The following GPC6 variants were observed in gnomAD, a reference collection of about 807,000 sequenced individuals.
The protein encoded by GPC6 is glypican 6.
Under a neutral mutation model 55.2 loss-of-function variants are expected in GPC6, and 14 were observed. That is an observed-to-expected ratio of 0.25 (90% CI 0.17 to 0.40). The LOEUF is 0.40. Ranked by LOEUF, GPC6 falls within the 10% of genes least tolerant of loss-of-function variation. The pLI, the probability that GPC6 is intolerant of heterozygous loss-of-function variation, is 1.00. For synonymous variants in GPC6, 278 were observed against 259.6 expected (o/e 1.07, Z -0.68); for missense variants, 641 against 708.5 (o/e 0.90, Z 1.08).
intron 1 of GPC6, among the ~76,000 whole-genome samples, chr13:93,347,526 A>G (rs1418776236): frequency 1.3e-5 from 2 of 152,086 alleles, no homozygotes; most frequent in Non-Finnish European, 2.9e-5. Flanking sequence ...AGGGCATGAG[A>G]AGCAATCTCC....
intron 2 of GPC6, among the ~76,000 whole-genome samples, chr13:93,788,632 G>A (rs914431069): frequency 7.9e-5 from 12 of 151,958 alleles, no homozygotes; most frequent in Admixed American, 7.9e-4. Context: ...CCTCCCAAGT[G>A]CATTGATTTC....
intron 6 of GPC6, among the ~76,000 whole-genome samples, chr13:94,308,739 C>A (rs1876084861): frequency 6.6e-6 from 1 of 152,190 alleles, no homozygotes; most frequent in Non-Finnish European, 1.5e-5. Flanking sequence ...CACAGCCAGC[C>A]ATAAGCCCAC....
At chr13:93,415,000 C>T (rs1370360477) in intron 1 of GPC6, among the ~76,000 whole-genome samples, 1 of 152,110 alleles carries the variant, frequency 6.6e-6, no homozygotes, top group African/African-American at 2.4e-5. Flanking sequence ...TTGTGATAAA[C>T]AAACACAGTT....
intron 2 of GPC6, among the ~76,000 whole-genome samples, chr13:93,681,388 GAT>G (rs796368183): frequency 6.6e-6 from 1 of 152,220 alleles, no homozygotes; most frequent in South Asian, 2.1e-4. Context: ...ATTTACTGCT[GAT>G]ATGCAATTTA....
chr13:94,190,617 G>A (rs997161448), intron 4 of GPC6, among the ~76,000 whole-genome samples: 27 of 152,158 alleles, frequency 1.8e-4, no homozygotes, highest in African/African-American at 6.3e-4. Flanking sequence ...AGTTGACAAA[G>A]TTGGAATTCA....
chr13:94,100,547 C>T (rs1885819512), intron 4 of GPC6, among the ~76,000 whole-genome samples: 2 of 152,156 alleles, frequency 1.3e-5, no homozygotes, highest in African/African-American at 4.8e-5. Flanking sequence ...AGTCCTAGAA[C>T]CTTGCAGAGC....
chr13:94,141,858 ACT>A (rs545162728), intron 4 of GPC6, among the ~76,000 whole-genome samples: 124 of 151,778 alleles, frequency 8.2e-4, no homozygotes, highest in Middle Eastern at 3.2e-3. Context: ...AGAACCAAAC[ACT>A]CTTTCTAGCA....
intron 1 of GPC6, among the ~76,000 whole-genome samples, chr13:93,335,197 G>T (rs1418391874): frequency 6.6e-6 from 1 of 152,168 alleles, no homozygotes; most frequent in Non-Finnish European, 1.5e-5. Context: ...TTTCTGAAAT[G>T]TGTGTTGTAT....
At chr13:93,639,143 G>C (rs1879811184) in intron 2 of GPC6, among the ~76,000 whole-genome samples, 9 of 152,090 alleles carry the variant, frequency 5.9e-5, no homozygotes, top group Admixed American at 5.9e-4. Context: ...ATAAAGCAAG[G>C]AGGGGTAAAA....
intron 2 of GPC6, among the ~76,000 whole-genome samples, chr13:93,563,402 C>G (rs1360782252): frequency 3.3e-5 from 5 of 151,992 alleles, no homozygotes; most frequent in Non-Finnish European, 7.4e-5. Context: ...ATCCAGAGTT[C>G]CAGCACTGGA....
At chr13:93,598,728 A>G (rs933125297) in intron 2 of GPC6, among the ~76,000 whole-genome samples, 4 of 152,202 alleles carry the variant, frequency 2.6e-5, no homozygotes, top group Non-Finnish European at 4.4e-5. Context: ...GCAAAATTCT[A>G]TGATTTTCCC....
rs569982168 is a variant in GPC6 at position 93,898,632 on chromosome 13, G to T, written c.711+68087G>T. ...TATAATTTTTCCAAGTAACCATATT[G>T]TGTTTGTTTTTTTGTTGTTAAGGCA... is the stretch of plus-strand genomic sequence containing the variant. On this transcript the variant is annotated intron_variant, in intron 3 of 8. Transcript: ENST00000377047. Among the ~76,000 whole-genome samples, 14 of 149,572 alleles carry T rather than the reference G, an allele frequency of 9.4e-5. No homozygotes were observed. The East Asian group carries it at 2.5e-3, about 27-fold the overall frequency.
chr13:93,481,279 G>A (rs1252725992), intron 1 of GPC6, among the ~76,000 whole-genome samples: 4 of 152,030 alleles, frequency 2.6e-5, no homozygotes, highest in Non-Finnish European at 5.9e-5. Flanking sequence ...TTTTAAATGA[G>A]GTGATTCATC....
intron 2 of GPC6, among the ~76,000 whole-genome samples, chr13:93,739,921 T>C (rs1884142581): frequency 6.6e-6 from 1 of 152,132 alleles, no homozygotes; most frequent in South Asian, 2.1e-4. Context: ...TGAAAGGTAC[T>C]ATGAAGAAAA....
chr13:93,928,790 G>A (rs1445996267), intron 3 of GPC6, among the ~76,000 whole-genome samples: 4 of 151,612 alleles, frequency 2.6e-5, no homozygotes, highest in Non-Finnish European at 5.9e-5. Flanking sequence ...GCCTCTGGCT[G>A]TTTCAAAGAG....
At chr13:93,223,858 C>T (rs1875685001), upstream of GPC6, among the ~76,000 whole-genome samples, 1 of 150,980 alleles carries the variant, frequency 6.6e-6, no homozygotes, top group African/African-American at 2.4e-5. Flanking sequence ...TTCCATCGTC[C>T]TATTCTAGGT....
At chr13:94,227,943 T>A (rs1308492120) in intron 4 of GPC6, among the ~76,000 whole-genome samples, 1 of 152,112 alleles carries the variant, frequency 6.6e-6, no homozygotes, top group Non-Finnish European at 1.5e-5. Flanking sequence ...TCCTCAGTAG[T>A]CCAACTGCAA....
chr13:93,418,327 T>C (rs1876780894), intron 1 of GPC6, among the ~76,000 whole-genome samples: 2 of 151,440 alleles, frequency 1.3e-5, no homozygotes. Flanking sequence ...TACAATTAAT[T>C]ATCATTAACT....
intron 7 of GPC6, among the ~76,000 whole-genome samples, chr13:94,387,787 GCAGCCAT>G: frequency 8.3e-6 from 1 of 120,452 alleles, no homozygotes; most frequent in Non-Finnish European, 1.7e-5. Context: ...ACACAACAAG[GCAGCCAT>G]CAGCAAACTA....
Sources: allele counts gnomAD v4.1 joint callset (sites outside exome capture counted in the v4.1 genomes callset), GRCh38; gene constraint gnomAD v4.1.1; transcripts MANE v1.5; gene names NCBI Gene and HGNC (gene_info 2026-07-23, HGNC 2026-07-21).